The following SNX31 variants were observed in gnomAD, a reference collection of about 807,000 sequenced individuals.
The protein encoded by SNX31 is sorting nexin 31, also known as sorting nexin-31.
Under a neutral mutation model 65.4 loss-of-function variants are expected in SNX31, and 58 were observed. That is an observed-to-expected ratio of 0.89 (90% CI 0.72 to 1.10). The LOEUF (loss-of-function observed/expected upper bound fraction) is 1.10, where lower values mean the gene tolerates loss of function less well. Ranked by LOEUF, SNX31 falls within the 50% of genes least tolerant of loss-of-function variation. The pLI is 0.00. For missense variants in SNX31, 523 were observed against 529.7 expected (o/e 0.99, Z 0.12); for synonymous variants, 181 against 190.1 (o/e 0.95, Z 0.39).
upstream of SNX31, among the ~76,000 whole-genome samples, chr8:100,651,084 T>C (rs1327912308): frequency 1.3e-5 from 2 of 152,228 alleles, no homozygotes; most frequent in African/African-American, 4.8e-5. Context: ...ACTCTTGACC[T>C]CAGGTGATCT....
chr8:100,591,231 T>C (rs986710727), intron 10 of SNX31, among the ~76,000 whole-genome samples: 2 of 152,130 alleles, frequency 1.3e-5, no homozygotes, highest in African/African-American at 4.8e-5. Context: ...GAGTTCATGT[T>C]CCCATTGGCC....
At position 100,636,230 on chromosome 8, in the gene SNX31, G is replaced by A. The variant is rs557448660; in HGVS notation, c.142-219C>T. Among the ~76,000 whole-genome samples the A allele has an allele frequency of 3.1e-4, 47 of 152,312 alleles. No homozygotes were observed. The South Asian group carries it at 9.3e-3, about 30-fold the overall frequency. On this transcript the variant is annotated intron_variant, in intron 2 of 13. Coordinates refer to ENST00000311812, the MANE Select transcript of SNX31 (RefSeq NM_152628.4). ...GACATTACTAGACATATCACAGACCGACAGCTCCAGTCTAAGTTTGGTAGA... is the reference window on the plus strand; with the variant it reads ...GACATTACTAGACATATCACAGACCAACAGCTCCAGTCTAAGTTTGGTAGA...
intron 12 of SNX31, among the ~76,000 whole-genome samples, chr8:100,579,538 T>C (rs1216693411): frequency 6.6e-6 from 1 of 152,230 alleles, no homozygotes; most frequent in Non-Finnish European, 1.5e-5. Flanking sequence ...TTTTCTATAT[T>C]GGACCAGCTC....
rs147491354 is a variant in SNX31 at position 100,634,482 on chromosome 8, C to T, written c.256+1415G>A. ...ATAAAGTAGGCCAGGCATGGTGGCT[C>T]ACCCCTGTAATCCCAGTACTTTGGG... On this transcript the variant is annotated intron_variant, in intron 3 of 13. Transcript: ENST00000311812. Among the ~76,000 whole-genome samples the T allele has an allele frequency of 2.3e-3, 346 of 151,258 alleles. 1 individual carries two copies. Among genetic ancestry groups the T allele is most frequent in the African/African-American group, 8.0e-3 (330 of 41,250 alleles).
intron 1 of SNX31, among the ~76,000 whole-genome samples, chr8:100,659,287 A>G (rs928234245): frequency 6.9e-5 from 10 of 144,732 alleles, no homozygotes; most frequent in African/African-American, 2.6e-4. Flanking sequence ...CGGAGGTTGC[A>G]GGAGCTGAGA....
In SNX31 at chr8:100,594,172, T is replaced by C. The variant is rs533492928; in HGVS notation, c.978+2467A>G. ...ACAAAAAATTAGCCCTGCCTGGTGG[T>C]GCATGCCTGTAATCCCAGCTACTTG... is the stretch of plus-strand genomic sequence containing the variant. On this transcript the variant is annotated intron_variant, in intron 10 of 13. Coordinates refer to ENST00000311812, the MANE Select transcript of SNX31 (RefSeq NM_152628.4). The surrounding 1 kb of genome is among the most constrained non-coding windows in gnomAD (Gnocchi z 4.0). Among the ~76,000 whole-genome samples the C allele has an allele frequency of 8.5e-5, 13 of 152,070 alleles. No homozygotes were observed. Among genetic ancestry groups the C allele is most frequent in the Admixed American group, 2.0e-4 (3 of 15,270 alleles).
At chr8:100,582,965 G>T (rs1011073064) in intron 12 of SNX31, among the ~76,000 whole-genome samples, 1 of 150,808 alleles carries the variant, frequency 6.6e-6, no homozygotes, top group Non-Finnish European at 1.5e-5. Context: ...CTGGGCGACA[G>T]AGTGAGACTC....
intron 4 of SNX31, among the ~76,000 whole-genome samples, chr8:100,621,547 A>C (rs1380195606): frequency 6.6e-6 from 1 of 152,150 alleles, no homozygotes; most frequent in African/African-American, 2.4e-5. Flanking sequence ...GACCATCTCC[A>C]TCTTACCACC....
At chr8:100,598,606 A>T (rs1435841540) in intron 9 of SNX31, among the ~76,000 whole-genome samples, 1 of 152,026 alleles carries the variant, frequency 6.6e-6, no homozygotes, top group Non-Finnish European at 1.5e-5. Flanking sequence ...TGATATTACT[A>T]ACTATATGAA....
chr8:100,621,359 G>C (rs1156952084), intron 4 of SNX31, among the ~76,000 whole-genome samples: 1 of 152,172 alleles, frequency 6.6e-6, no homozygotes, highest in Non-Finnish European at 1.5e-5. Flanking sequence ...GGCTGCCCTA[G>C]CTCTAAGCTA....
At chr8:100,582,860 G>A (rs1048164885) in intron 12 of SNX31, among the ~76,000 whole-genome samples, 9 of 151,234 alleles carry the variant, frequency 6.0e-5, no homozygotes, top group Admixed American at 4.6e-4. Flanking sequence ...GCAGGGACCT[G>A]TAGCCCCAGC....
At chr8:100,627,768 C>G (rs992883698) in intron 4 of SNX31, among the ~76,000 whole-genome samples, 1 of 152,068 alleles carries the variant, frequency 6.6e-6, no homozygotes, top group Admixed American at 6.6e-5. Context: ...AACTCCTGAC[C>G]TCAGGTGATC....
chr8:100,578,882 C>T lies in SNX31; in HGVS notation c.1171-1807G>A, dbSNP rs1392695764. 2.0e-5 allele frequency among the ~76,000 whole-genome samples: 3 copies of T among 151,924 alleles called. No individual in the cohort carries two copies. The highest frequency in any genetic ancestry group is 7.3e-5 in the African/African-American group (3 of 41,324). ...GAATACAGGTACGCGCCACCATGCC[C>T]ATCTAATTTTTGTATTTTTGGTAGA... On this transcript the variant is annotated intron_variant, in intron 12 of 13. Coordinates refer to ENST00000311812, the MANE Select transcript of SNX31 (RefSeq NM_152628.4). The surrounding 1 kb of genome is among the most constrained non-coding windows in gnomAD (Gnocchi z 4.7).
Position 100,588,116 on chromosome 8 carries a change from A to T in SNX31, c.1092+750T>A, listed in dbSNP as rs1269705631. Reference sequence around the variant, plus strand: ...TACTACAGGAAAAAGGTGAAACATTAAAAAAAAACATAAAAAAGGTACAGT... The same window carrying T: ...TACTACAGGAAAAAGGTGAAACATTTAAAAAAAACATAAAAAAGGTACAGT... On this transcript the variant is annotated intron_variant, in intron 11 of 13. Coordinates refer to ENST00000311812, the MANE Select transcript of SNX31 (RefSeq NM_152628.4). This position sits in a 1 kb window ranked among gnomAD's most constrained non-coding sequence, Gnocchi z 4.8. Among the ~76,000 whole-genome samples, 1 of 61,536 alleles carries T rather than the reference A, an allele frequency of 1.6e-5. No homozygotes were observed. Among genetic ancestry groups the T allele is most frequent in the Non-Finnish European group, 3.1e-5 (1 of 31,858 alleles). 40.4% of individuals were successfully genotyped at this position (61,536 alleles called of 152,430 possible). A position where few individuals can be genotyped will look rare whatever the true frequency, so the allele number is the denominator to read the frequency against.
Position 100,609,519 on chromosome 8 carries a change from G to C in SNX31, c.612-956C>G, listed in dbSNP as rs796733460. Among the ~76,000 whole-genome samples the C allele has an allele frequency of 7.9e-5, 12 of 152,218 alleles. No homozygotes were observed. The highest frequency in any genetic ancestry group is 2.6e-4 in the African/African-American group (11 of 41,522). On this transcript the variant is annotated intron_variant, in intron 7 of 13. Coordinates refer to ENST00000311812, the MANE Select transcript of SNX31 (RefSeq NM_152628.4). This position sits in a 1 kb window ranked among gnomAD's most constrained non-coding sequence, Gnocchi z 4.9. Reference sequence around the variant, plus strand: ...GTCTGCCTGTCAGATCCAGAATCACGAGGAACTGAAATTAATGACTGTAGA... The same window carrying C: ...GTCTGCCTGTCAGATCCAGAATCACCAGGAACTGAAATTAATGACTGTAGA...
In SNX31 at chr8:100,612,724, G is replaced by C. The variant is rs184743850; in HGVS notation, c.523+271C>G. 2.0e-5 allele frequency among the ~76,000 whole-genome samples: 3 copies of C among 152,140 alleles called. No homozygotes were observed. The highest frequency in any genetic ancestry group is 6.5e-5 in the Admixed American group (1 of 15,278). Reference sequence around the variant, plus strand: ...CAGGCGAGTGGTCAGTGGTCAGGCCGGGCCTGCGGTAAAGGGGAGGGGGTC... The same window carrying C: ...CAGGCGAGTGGTCAGTGGTCAGGCCCGGCCTGCGGTAAAGGGGAGGGGGTC... On this transcript the variant is annotated intron_variant, in intron 6 of 13. Transcript: ENST00000311812. The surrounding 1 kb of genome is among the most constrained non-coding windows in gnomAD (Gnocchi z 4.3).
chr8:100,583,852 G>A (rs182080164), intron 12 of SNX31, among the ~76,000 whole-genome samples: 7 of 152,282 alleles, frequency 4.6e-5, no homozygotes, highest in African/African-American at 7.2e-5. Flanking sequence ...ATACAAAGTC[G>A]AGGGTTAGAA....
At position 100,625,404 on chromosome 8, in the gene SNX31, A is replaced by G. The variant is rs962261552; in HGVS notation, c.321+4923T>C. On this transcript the variant is annotated intron_variant, in intron 4 of 13. Transcript: ENST00000311812. This position sits in a 1 kb window ranked among gnomAD's most constrained non-coding sequence, Gnocchi z 4.2. The stretch of plus-strand genomic sequence containing the variant: ...ATTTTCTTGGATGCGCACCATGGCT[A>G]TTAGACATTCCTCTGCCTCAGAGCA... Among the ~76,000 whole-genome samples, 1 of 151,216 alleles carries G rather than the reference A, an allele frequency of 6.6e-6. No individual in the cohort carries two copies. The highest frequency in any genetic ancestry group is 2.4e-5 in the African/African-American group (1 of 41,210).
chr8:100,618,388 C>CT (rs1730033934), intron 4 of SNX31: 8 of 1,507,108 alleles, frequency 5.3e-6, no homozygotes, highest in Non-Finnish European at 7.1e-6. Context: ...TTTTCTGACA[C>CT]TAATTGTGGG....
Sources: allele counts gnomAD v4.1 joint callset (sites outside exome capture counted in the v4.1 genomes callset), GRCh38; gene constraint gnomAD v4.1.1; non-coding constraint Gnocchi (gnomAD v3.1); transcripts MANE v1.5; gene names NCBI Gene and HGNC (gene_info 2026-07-23, HGNC 2026-07-21).